TSPAN12: variants seen among roughly 807,000 people sequenced by gnomAD.
TSPAN12 encodes the protein tetraspanin-12.
In TSPAN12, 19 loss-of-function variants were observed where a neutral mutation model predicts 39.2. The observed-to-expected ratio is 0.49, with a 90% CI of 0.34 to 0.71. TSPAN12 has a LOEUF of 0.71. Among genes scored for constraint, TSPAN12 ranks in the 30% least tolerant of loss-of-function variants. The pLI, the probability that TSPAN12 is intolerant of heterozygous loss-of-function variation, is 0.01. For missense variants in TSPAN12, 314 were observed against 359.9 expected (o/e 0.87, Z 1.03); for synonymous variants, 119 against 124.8 (o/e 0.95, Z 0.31).
chr7:120,788,733 TTGGTCTG>T lies in TSPAN12; in HGVS notation c.770_776del (p.Thr257LysfsTer2), dbSNP rs1793458922. 1 of 1,614,112 alleles carries T rather than the reference TTGGTCTG, an allele frequency of 6.2e-7. No individual in the cohort carries two copies. The highest frequency in any genetic ancestry group is 8.5e-7 in the Non-Finnish European group (1 of 1,180,002). Reference sequence around the variant, plus strand: ...AGTTGTCATTCTTCAAGGACATCATTTGGTCTGTCCCCGGCTCCCTTCTATCATAATA... The same window carrying T: ...AGTTGTCATTCTTCAAGGACATCATTTCCCCGGCTCCCTTCTATCATAATA... On this transcript the variant is annotated frameshift_variant, in exon 8 of 8. Transcript: ENST00000222747. LOFTEE classifies it high-confidence loss of function.
chr7:120,835,602 G>T (rs1794461672), intron 4 of TSPAN12, among the ~76,000 whole-genome samples: 2 of 151,838 alleles, frequency 1.3e-5, no homozygotes, highest in Non-Finnish European at 2.9e-5. Context: ...GAATAATAAG[G>T]GTAATTCAAA....
chr7:120,855,400 A>G (rs914203387), intron 2 of TSPAN12, among the ~76,000 whole-genome samples: 9 of 152,218 alleles, frequency 5.9e-5, no homozygotes, highest in Non-Finnish European at 1.2e-4. Context: ...AAAAAGCACA[A>G]TGTAGAAAAG....
At chr7:120,831,366 C>T (rs1794387683) in intron 4 of TSPAN12, among the ~76,000 whole-genome samples, 1 of 151,938 alleles carries the variant, frequency 6.6e-6, no homozygotes, top group Non-Finnish European at 1.5e-5. Context: ...CAGCATTATT[C>T]ACAATAGTCA....
At chr7:120,832,849 A>G (rs1045774047) in intron 4 of TSPAN12, among the ~76,000 whole-genome samples, 2 of 152,146 alleles carry the variant, frequency 1.3e-5, no homozygotes, top group African/African-American at 4.8e-5. Flanking sequence ...TTTAAAGTTC[A>G]TTTTATAATA....
intron 2 of TSPAN12, among the ~76,000 whole-genome samples, chr7:120,853,831 GC>G (rs980428957): frequency 9.5e-5 from 14 of 146,740 alleles, no homozygotes; most frequent in Non-Finnish European, 1.9e-4. Flanking sequence ...CTGAGATTGC[GC>G]CACTGGACTG....
chr7:120,816,359 CG>C (rs2116390541), intron 4 of TSPAN12, among the ~76,000 whole-genome samples: 1 of 96,792 alleles, frequency 1.0e-5, no homozygotes, highest in African/African-American at 2.8e-5. Flanking sequence ...ATAAGGCATG[CG>C]CAGGCAAAAA....
Position 120,820,690 on chromosome 7 carries a change from A to T in TSPAN12, c.286-4887T>A, listed in dbSNP as rs541237443. ...AGATCATCAGTTCTGGCTGGCAAGGATCTTGTTCTTAAACATTATTTTATC... is the reference window on the plus strand; with the variant it reads ...AGATCATCAGTTCTGGCTGGCAAGGTTCTTGTTCTTAAACATTATTTTATC... On this transcript the variant is annotated intron_variant, in intron 4 of 7. Coordinates refer to ENST00000222747, the MANE Select transcript of TSPAN12 (RefSeq NM_012338.4). 2.6e-5 allele frequency among the ~76,000 whole-genome samples: 4 copies of T among 152,258 alleles called. No individual in the cohort carries two copies. The South Asian group carries it at 8.3e-4, about 32-fold the overall frequency.
intron 4 of TSPAN12, among the ~76,000 whole-genome samples, chr7:120,821,429 TAA>T (rs57157669): frequency 6.3e-5 from 9 of 142,670 alleles, no homozygotes; most frequent in Non-Finnish European, 4.6e-5. Flanking sequence ...CTTGTTGACT[TAA>T]AAAAAAAAAA....
chr7:120,808,116 G>A (rs117768195), intron 6 of TSPAN12, among the ~76,000 whole-genome samples: 1 of 152,166 alleles, frequency 6.6e-6, no homozygotes, highest in East Asian at 1.9e-4. Context: ...CTAATGACAT[G>A]AGTCCTTTCT....
chr7:120,844,075 T>C (rs1266448312), intron 2 of TSPAN12, among the ~76,000 whole-genome samples: 9 of 152,094 alleles, frequency 5.9e-5, no homozygotes, highest in Admixed American at 5.9e-4. Context: ...ACATCTTACA[T>C]GGCCAGAGCA....
rs1230052873 is a variant in TSPAN12, at chr7:120,799,605, A to ATT, written c.612+6942_612+6943dup. Among the ~76,000 whole-genome samples, 178 of 115,654 alleles carry ATT rather than the reference A, an allele frequency of 1.5e-3. 5 individuals are homozygous for ATT. In the East Asian group the frequency reaches 0.036, roughly 23 times the overall value. The allele number at this position is 115,654 out of a possible 152,430, so 75.9% of individuals were successfully genotyped here. On this transcript the variant is annotated intron_variant, in intron 7 of 7. Transcript: ENST00000222747. Reference sequence around the variant, plus strand: ...ATATGTAATAATATAATTATATATAATTATATATATAATTAAATATAATTA... The same window carrying ATT: ...ATATGTAATAATATAATTATATATAATTTTATATATATAATTAAATATAATTA...
chr7:120,800,342 C>A (rs1184749550), intron 7 of TSPAN12, among the ~76,000 whole-genome samples: 1 of 152,152 alleles, frequency 6.6e-6, no homozygotes, highest in African/African-American at 2.4e-5. Flanking sequence ...CGAACCTTGA[C>A]GTTTGGACTT....
At chr7:120,833,314 G>A (rs919049765) in intron 4 of TSPAN12, among the ~76,000 whole-genome samples, 2 of 151,912 alleles carry the variant, frequency 1.3e-5, no homozygotes, top group Non-Finnish European at 2.9e-5. Flanking sequence ...TCATGACTAT[G>A]TAAGAGAAGG....
At chr7:120,798,151 T>C (rs750507796) in intron 7 of TSPAN12, among the ~76,000 whole-genome samples, 1 of 151,672 alleles carries the variant, frequency 6.6e-6, no homozygotes, top group African/African-American at 2.4e-5. Flanking sequence ...AGAAACAGAG[T>C]GAAAGAAAAG....
intron 3 of TSPAN12, 66 bp from the exon 4 acceptor site, chr7:120,838,978 A>G (rs904785814): frequency 6.0e-6 from 9 of 1,507,212 alleles, no homozygotes; most frequent in Non-Finnish European, 8.3e-6. Flanking sequence ...ACATAGCAGA[A>G]GACACAACTG....
At chr7:120,814,305 G>A in intron 5 of TSPAN12, 1 of 455,616 alleles carries the variant, frequency 2.2e-6, no homozygotes. Context: ...ACTTTAAAAT[G>A]TTGAAGATGC....
intron 4 of TSPAN12, among the ~76,000 whole-genome samples, chr7:120,828,992 T>C (rs995068840): frequency 1.3e-5 from 2 of 152,202 alleles, no homozygotes; most frequent in Non-Finnish European, 2.9e-5. Flanking sequence ...AAAATGTCAT[T>C]ATTTTAAGGA....
intron 7 of TSPAN12, among the ~76,000 whole-genome samples, chr7:120,804,343 G>A (rs578129860): frequency 5.9e-5 from 9 of 152,092 alleles, no homozygotes; most frequent in East Asian, 1.9e-4. Flanking sequence ...GGAGTTTGCC[G>A]CATTTATTAG....
intron 2 of TSPAN12, among the ~76,000 whole-genome samples, chr7:120,848,066 A>C: frequency 6.6e-6 from 1 of 152,126 alleles, no homozygotes; most frequent in Middle Eastern, 3.2e-3. Flanking sequence ...CCCAGTGCCT[A>C]TACATCTTCA....
Sources: allele counts gnomAD v4.1 joint callset (sites outside exome capture counted in the v4.1 genomes callset), GRCh38; gene constraint gnomAD v4.1.1; transcripts MANE v1.5; gene names NCBI Gene and HGNC (gene_info 2026-07-23, HGNC 2026-07-21).